RNF13: variants seen among roughly 807,000 people sequenced by gnomAD.
The protein encoded by RNF13 is ring finger protein 13, also known as E3 ubiquitin-protein ligase RNF13.
Under a neutral mutation model 37.7 loss-of-function variants are expected in RNF13, and 19 were observed. The ratio of observed to expected loss-of-function variants is 0.50; its 90% CI spans 0.35 to 0.74. The LOEUF (loss-of-function observed/expected upper bound fraction) is 0.74, where lower values mean the gene tolerates loss of function less well. Among genes scored for constraint, RNF13 ranks in the 30% least tolerant of loss-of-function variants. RNF13 has a pLI of 0.01. For synonymous variants in RNF13, 144 were observed against 157.8 expected, an observed-to-expected ratio of 0.91 and a Z score of 0.65; for missense variants, 375 against 453.0, an observed-to-expected ratio of 0.83 and a Z score of 1.56.
At chr3:149,881,141 A>G (rs181677920) in intron 4 of RNF13, among the ~76,000 whole-genome samples, 3 of 152,320 alleles carry the variant, frequency 2.0e-5, no homozygotes, top group African/African-American at 7.2e-5. Flanking sequence ...ATTTAGGCCA[A>G]TCTTTTCTGT....
chr3:149,854,208 G>A (rs1407874625), intron 3 of RNF13, among the ~76,000 whole-genome samples: 1 of 151,416 alleles, frequency 6.6e-6, no homozygotes, highest in African/African-American at 2.4e-5. Flanking sequence ...GAGGGGCATT[G>A]AATTTTTAAT....
intron 1 of RNF13, among the ~76,000 whole-genome samples, chr3:149,841,673 G>A (rs112715082): frequency 0.045 from 6,866 of 152,176 alleles, 218 homozygotes; most frequent in Non-Finnish European, 0.063. Context: ...AGGCTGGAGT[G>A]CAGTGGCATG....
rs1299664570 is a variant in RNF13, at chr3:149,960,901, T to C, written c.943T>C (p.Leu315=). 1 of 1,614,202 alleles carries C rather than the reference T, an allele frequency of 6.2e-7. No homozygotes were observed. ...VTEHTPLLRP[L]ASVSAQSFGA... is the part of the protein sequence containing the mutation. ...AGAACATACCCCTTTACTGAGACCT[T>C]TAGCTTCTGTCAGTGCCCAGTCATT... The change falls in exon 10 of 10, where the codon TTA becomes CTA. Residue 315 remains leucine (L), a synonymous_variant. Coordinates refer to ENST00000392894, the MANE Select transcript of RNF13 (RefSeq NM_183381.3).
intron 8 of RNF13, chr3:149,939,380 C>T (rs1720028431): frequency 2.0e-6 from 1 of 494,508 alleles, no homozygotes; most frequent in Non-Finnish European, 3.9e-6. Context: ...GGGCAGATCG[C>T]TTTCCAGATA....
intron 1 of RNF13, among the ~76,000 whole-genome samples, chr3:149,835,422 C>G (rs1004071391): frequency 1.3e-5 from 2 of 151,940 alleles, no homozygotes; most frequent in East Asian, 3.9e-4. Context: ...ACCTTCACCC[C>G]CTCCTACCCT....
intron 1 of RNF13, among the ~76,000 whole-genome samples, chr3:149,843,443 A>G (rs1442551898): frequency 6.6e-6 from 1 of 152,200 alleles, no homozygotes; most frequent in Non-Finnish European, 1.5e-5. Context: ...CACATTTTCC[A>G]CAATGAGCAA....
chr3:149,822,324 G>A (rs796145089), intron 1 of RNF13, among the ~76,000 whole-genome samples: 2 of 151,940 alleles, frequency 1.3e-5, no homozygotes, highest in East Asian at 1.9e-4. Context: ...TATAGTTTTC[G>A]GTGTACAAGT....
intron 3 of RNF13, among the ~76,000 whole-genome samples, 171 bp from the exon 4 acceptor site, chr3:149,871,858 G>T (rs1267976152): frequency 6.6e-6 from 1 of 152,102 alleles, no homozygotes; most frequent in African/African-American, 2.4e-5. Context: ...CTAAATGCTT[G>T]TGAAAGCAAA....
At chr3:149,937,259 TAGTA>T (rs1719786750) in intron 8 of RNF13, among the ~76,000 whole-genome samples, 1 of 152,144 alleles carries the variant, frequency 6.6e-6, no homozygotes, top group African/African-American at 2.4e-5. Flanking sequence ...CTTTCCTGCA[TAGTA>T]ACCCTAGACG....
chr3:149,898,108 T>C (rs1715458962), intron 5 of RNF13, among the ~76,000 whole-genome samples: 1 of 152,306 alleles, frequency 6.6e-6, no homozygotes, highest in Non-Finnish European at 1.5e-5. Context: ...TCTATAATAG[T>C]GTGAATAATT....
At chr3:149,833,838 G>T (rs1221542039) in intron 1 of RNF13, among the ~76,000 whole-genome samples, 1 of 152,112 alleles carries the variant, frequency 6.6e-6, no homozygotes, top group Non-Finnish European at 1.5e-5. Flanking sequence ...GTAAGCAGAT[G>T]ATATGACCTT....
At chr3:149,834,325 C>A (rs1721371119) in intron 1 of RNF13, among the ~76,000 whole-genome samples, 1 of 152,162 alleles carries the variant, frequency 6.6e-6, no homozygotes, top group Non-Finnish European at 1.5e-5. Context: ...TCGTATACTT[C>A]CTGATTTCAA....
chr3:149,855,123 G>A (rs1356222950), intron 3 of RNF13, among the ~76,000 whole-genome samples: 2 of 152,110 alleles, frequency 1.3e-5, no homozygotes, highest in Non-Finnish European at 2.9e-5. Context: ...CAAGAGACCA[G>A]CCTGAGCAAC....
At chr3:149,938,103 G>T (rs1249520287) in intron 8 of RNF13, among the ~76,000 whole-genome samples, 3 of 151,348 alleles carry the variant, frequency 2.0e-5, no homozygotes, top group African/African-American at 7.3e-5. Context: ...ATATATTTTG[G>T]CACTCTGTTA....
intron 8 of RNF13, among the ~76,000 whole-genome samples, chr3:149,941,714 T>G (rs1450507434): frequency 6.6e-6 from 1 of 151,744 alleles, no homozygotes; most frequent in African/African-American, 2.4e-5. Context: ...TCTATTTTTT[T>G]CTTTTGTTGC....
chr3:149,836,230 A>T (rs141656357), intron 1 of RNF13, among the ~76,000 whole-genome samples: 1,622 of 152,042 alleles, frequency 0.011, 14 homozygotes, highest in Middle Eastern at 0.034. Flanking sequence ...CCACTTTTTG[A>T]TGGGATTGTT....
chr3:149,870,954 G>GA (rs1711971004), intron 3 of RNF13, among the ~76,000 whole-genome samples: 2 of 150,366 alleles, frequency 1.3e-5, no homozygotes, highest in Admixed American at 6.6e-5. Flanking sequence ...TGAAATCAGT[G>GA]AATTTGATCA....
chr3:149,915,026 G>A (rs115195125), intron 7 of RNF13, among the ~76,000 whole-genome samples: 4,206 of 152,166 alleles, frequency 0.028, 86 homozygotes, highest in Non-Finnish European at 0.036. Flanking sequence ...AAAATAAAGG[G>A]GAAAAAGCAG....
At position 149,902,065 on chromosome 3, in the gene RNF13, T is replaced by C. The variant is rs377225073; in HGVS notation, c.410-7T>C. 2.4e-6 allele frequency: 3 copies of C among 1,271,662 alleles called. No homozygotes were observed. The highest frequency in any genetic ancestry group is 3.1e-5 in the African/African-American group (2 of 64,106). The allele number at this position is 1,271,662 out of a possible 1,614,324, so 78.8% of individuals were successfully genotyped here. On this transcript the variant is annotated splice_region_variant and splice_polypyrimidine_tract_variant and intron_variant, in intron 5 of 9. Transcript: ENST00000392894. ...TTTAAGAATAATTTCATTATTCTTTTATACAGTTGAGGTACTAAAGAAAAT... is the reference window on the plus strand; with the variant it reads ...TTTAAGAATAATTTCATTATTCTTTCATACAGTTGAGGTACTAAAGAAAAT...
Sources: allele counts gnomAD v4.1 joint callset (sites outside exome capture counted in the v4.1 genomes callset), GRCh38; gene constraint gnomAD v4.1.1; transcripts MANE v1.5; gene names NCBI Gene and HGNC (gene_info 2026-07-23, HGNC 2026-07-21).